The following TENM4 variants were observed in gnomAD, a reference collection of about 807,000 sequenced individuals.
TENM4 encodes teneurin transmembrane protein 4.
In TENM4, 82 loss-of-function variants were observed where a neutral mutation model predicts 243.3. The ratio of observed to expected loss-of-function variants is 0.34; its 90% CI spans 0.28 to 0.40. The LOEUF (loss-of-function observed/expected upper bound fraction) is 0.40, where lower values mean the gene tolerates loss of function less well. Among genes scored for constraint, TENM4 ranks in the 10% least tolerant of loss-of-function variants. The pLI, the probability that TENM4 is intolerant of heterozygous loss-of-function variation, is 1.00. For missense variants in TENM4, 3,138 were observed against 3,673.3 expected (o/e 0.85, Z 3.77); for synonymous variants, 1,412 against 1,456.3 (o/e 0.97, Z 0.69).
intron 3 of TENM4, among the ~76,000 whole-genome samples, chr11:79,169,039 C>CA (rs1425637431): frequency 6.6e-6 from 1 of 152,228 alleles, no homozygotes; most frequent in Admixed American, 6.5e-5. Context: ...CATCCCCTTT[C>CA]ACCCAGGACC....
At chr11:78,742,864 A>G (rs78604817) in intron 19 of TENM4, among the ~76,000 whole-genome samples, 2,759 of 152,240 alleles carry the variant, frequency 0.018, 90 homozygotes, top group African/African-American at 0.063. Context: ...CTCAGGGAAA[A>G]GTTGTAGGGC....
At chr11:79,210,911 G>A (rs937202011) in intron 3 of TENM4, among the ~76,000 whole-genome samples, 2 of 152,148 alleles carry the variant, frequency 1.3e-5, no homozygotes, top group African/African-American at 4.8e-5. Context: ...CCATCAAGAA[G>A]TTGCTTATAA....
intron 6 of TENM4, among the ~76,000 whole-genome samples, chr11:78,905,348 T>A (rs1463266847): frequency 6.6e-6 from 1 of 152,122 alleles, no homozygotes; most frequent in Non-Finnish European, 1.5e-5. Flanking sequence ...TTTGAGTAAA[T>A]CAACCTTTTA....
chr11:78,862,933 T>C, intron 10 of TENM4, 29 bp downstream of exon 10: 1 of 1,392,024 alleles, frequency 7.2e-7, no homozygotes, highest in Non-Finnish European at 9.5e-7. Flanking sequence ...CACAGAGGAC[T>C]CACAACACGG....
chr11:79,074,176 G>A (rs1043454681), intron 4 of TENM4, among the ~76,000 whole-genome samples: 6 of 152,126 alleles, frequency 3.9e-5, no homozygotes, highest in Admixed American at 2.6e-4. Flanking sequence ...GCTTAATATA[G>A]TAATTCAGCA....
intron 19 of TENM4, among the ~76,000 whole-genome samples, chr11:78,749,909 C>G (rs1340416744): frequency 2.0e-5 from 3 of 152,140 alleles, no homozygotes; most frequent in African/African-American, 7.2e-5. Flanking sequence ...TCATAGTTCC[C>G]TATGTTCCTC....
Position 78,903,541 on chromosome 11 carries a change from C to A in TENM4, c.494-18G>T, listed in dbSNP as rs1371807331. On this transcript the variant is annotated intron_variant, in intron 6 of 33. Coordinates refer to ENST00000278550, the MANE Select transcript of TENM4 (RefSeq NM_001098816.3). ...CGGATGATCTAGGGCACAAACATGG[C>A]GGTCAGCGGCGGTGAGCTTGGTGCT... 1 of 1,542,994 alleles carries A rather than the reference C, an allele frequency of 6.5e-7. No individual in the cohort carries two copies.
chr11:78,899,559 C>CCGG (rs375147197), intron 7 of TENM4, among the ~76,000 whole-genome samples: 583 of 29,566 alleles, frequency 0.02, 23 homozygotes, highest in Admixed American at 0.028. Context: ...TCTCAAAAAG[C>CCGG]GGGGGGGGGG....
chr11:79,273,132 C>G (rs1182021326), intron 2 of TENM4, among the ~76,000 whole-genome samples: 1 of 152,188 alleles, frequency 6.6e-6, no homozygotes, highest in Non-Finnish European at 1.5e-5. Context: ...GTTCCTTTAC[C>G]TCTCAGAGCC....
chr11:79,153,330 G>T (rs1862545187), intron 3 of TENM4, among the ~76,000 whole-genome samples: 1 of 152,202 alleles, frequency 6.6e-6, no homozygotes, highest in African/African-American at 2.4e-5. Context: ...GTCCAAAGCA[G>T]ATCATTCTGA....
At chr11:79,290,481 C>G (rs181859621) in intron 2 of TENM4, among the ~76,000 whole-genome samples, 5 of 152,252 alleles carry the variant, frequency 3.3e-5, no homozygotes, top group Admixed American at 2.6e-4. Context: ...CAGTCACAGG[C>G]AGAAAGTGTC....
At chr11:79,351,387 C>T (rs1426274617) in intron 1 of TENM4, among the ~76,000 whole-genome samples, 1 of 152,138 alleles carries the variant, frequency 6.6e-6, no homozygotes, top group Non-Finnish European at 1.5e-5. Context: ...TGGGAGAGTG[C>T]CTGCCATAGA....
intron 1 of TENM4, among the ~76,000 whole-genome samples, chr11:79,298,533 A>G (rs1487398050): frequency 6.7e-6 from 1 of 150,222 alleles, no homozygotes; most frequent in Admixed American, 6.6e-5. Flanking sequence ...AAAAAAAAAA[A>G]AAAAAAAAAA....
At chr11:79,038,848 C>T (rs993527940) in intron 6 of TENM4, among the ~76,000 whole-genome samples, 1 of 152,138 alleles carries the variant, frequency 6.6e-6, no homozygotes, top group African/African-American at 2.4e-5. Flanking sequence ...AGAGAAAGAG[C>T]CAGGGAAGGG....
chr11:79,318,665 G>T (rs1328915210), intron 1 of TENM4, among the ~76,000 whole-genome samples: 1 of 152,132 alleles, frequency 6.6e-6, no homozygotes, highest in Admixed American at 6.5e-5. Context: ...TAACCTCTGG[G>T]GTAGAGTATA....
At chr11:79,035,303 C>T (rs1859349123) in intron 6 of TENM4, among the ~76,000 whole-genome samples, 1 of 152,110 alleles carries the variant, frequency 6.6e-6, no homozygotes, top group African/African-American at 2.4e-5. Flanking sequence ...GAAATAACAC[C>T]CCCTGTATCC....
At chr11:78,819,843 A>G (rs769618887) in intron 12 of TENM4, among the ~76,000 whole-genome samples, 12 of 152,132 alleles carry the variant, frequency 7.9e-5, no homozygotes, top group Non-Finnish European at 8.8e-5. Context: ...GTTGTCAGGA[A>G]CTCTTTGGGA....
intron 17 of TENM4, among the ~76,000 whole-genome samples, chr11:78,775,899 C>T (rs1856731195): frequency 6.6e-6 from 1 of 152,160 alleles, no homozygotes; most frequent in South Asian, 2.1e-4. Flanking sequence ...TGAAGAAGTC[C>T]CCCTTGCAGC....
intron 2 of TENM4, among the ~76,000 whole-genome samples, chr11:79,289,703 C>T (rs898541493): frequency 5.9e-5 from 9 of 152,206 alleles, no homozygotes; most frequent in East Asian, 1.9e-4. Flanking sequence ...CTGGTTCTGG[C>T]GAATTCAACC....
Sources: gnomAD v4.1 joint callset for allele counts (sites outside exome capture counted in the v4.1 genomes callset) on GRCh38, gnomAD v4.1.1 for gene constraint, MANE v1.5 for transcripts, NCBI Gene and HGNC (gene_info 2026-07-23, HGNC 2026-07-21) for gene names.